The following SCAMP2 variants were observed in gnomAD, a reference collection of about 807,000 sequenced individuals.
The protein encoded by SCAMP2 is secretory carrier-associated membrane protein 2.
A neutral mutation model predicts 44.1 loss-of-function variants in SCAMP2; 25 were observed. The ratio of observed to expected loss-of-function variants is 0.57; its 90% CI spans 0.41 to 0.79. The LOEUF (loss-of-function observed/expected upper bound fraction) is 0.79. Among genes scored for constraint, SCAMP2 ranks in the 30% least tolerant of loss-of-function variants. The pLI, the probability that SCAMP2 is intolerant of heterozygous loss-of-function variation, is 0.00. For synonymous variants in SCAMP2, 156 were observed against 166.0 expected (o/e 0.94, Z 0.46); for missense variants, 355 against 411.0 (o/e 0.86, Z 1.18).
Position 74,845,468 on chromosome 15 carries a change from C to T in SCAMP2, c.855+5G>A. On this transcript the variant is annotated splice_donor_5th_base_variant and intron_variant, in intron 8 of 8. Transcript: ENST00000268099. ...TTTGCTGTCAGCCCTGCCCACACCA[C>T]TCACCCGCTGCAGGAGGAAGACTGA... 1.2e-6 allele frequency: 2 copies of T among 1,614,150 alleles called. No individual in the cohort carries two copies. Among genetic ancestry groups the T allele is most frequent in the Non-Finnish European group, 1.7e-6 (2 of 1,180,030 alleles).
intron 1 of SCAMP2, among the ~76,000 whole-genome samples, chr15:74,857,183 C>T (rs1390727800): frequency 6.6e-6 from 1 of 152,194 alleles, no homozygotes; most frequent in Non-Finnish European, 1.5e-5. Flanking sequence ...TGTGTCTGGA[C>T]GGGCCTCATA....
rs1368015213 is a variant in SCAMP2 at position 74,845,629 on chromosome 15, G to A, written c.735-36C>T. ...AAGAAGAGGCCAGAGGGAGCAAAGTGGGAGTGGGCTCCAAAAGTCAGCATA... is the reference window on the plus strand; with the variant it reads ...AAGAAGAGGCCAGAGGGAGCAAAGTAGGAGTGGGCTCCAAAAGTCAGCATA... On this transcript the variant is annotated intron_variant, in intron 7 of 8. Transcript: ENST00000268099. 2.5e-6 allele frequency: 4 copies of A among 1,611,514 alleles called. No homozygotes were observed. In the African/African-American group the frequency reaches 4.0e-5, roughly 16 times the overall value.
chr15:74,862,667 T>C (rs1410057886), intron 1 of SCAMP2, among the ~76,000 whole-genome samples: 1 of 151,116 alleles, frequency 6.6e-6, no homozygotes, highest in Non-Finnish European at 1.5e-5. Flanking sequence ...TATAATATGG[T>C]CATGTTATTT....
At chr15:74,853,946 G>C (rs1404863871) in intron 3 of SCAMP2, 75 bp downstream of exon 3, 7 of 1,338,268 alleles carry the variant, frequency 5.2e-6, no homozygotes, top group Non-Finnish European at 4.3e-6. Flanking sequence ...CTTGCCCCCA[G>C]CCTCAGGGCT....
rs1483473538 is a variant in SCAMP2, at chr15:74,844,211, G to GGA, written c.*871_*872insTC. ...CGTCCCTCGGTTCGGGGAGGGGGGG[G>GGA]GGTAGTCACAGCAAACAGGGCCAAA... On this transcript the variant is annotated 3_prime_UTR_variant, in exon 9 of 9. Coordinates refer to ENST00000268099, the MANE Select transcript of SCAMP2 (RefSeq NM_005697.5). 1 of 147,470 alleles carries GGA rather than the reference G, an allele frequency of 6.8e-6. No homozygotes were observed. 9.1% of individuals were successfully genotyped at this position (147,470 alleles called of 1,614,324 possible).
Position 74,854,630 on chromosome 15 carries a change from A to T in SCAMP2, c.77T>A (p.Leu26Gln), listed in dbSNP as rs2064456555. 1 of 1,609,418 alleles carries T rather than the reference A, an allele frequency of 6.2e-7. No individual in the cohort carries two copies. Among genetic ancestry groups the T allele is most frequent in the Non-Finnish European group, 8.5e-7 (1 of 1,178,000 alleles). The change falls in exon 2 of 9, where the codon CTG becomes CAG. Residue 26 changes from leucine (L) to glutamine (Q), a missense_variant. Leu to Gln is a moderately radical substitution (Grantham distance 113). Transcript: ENST00000268099. Reference protein sequence around the residue: ...NPFQDPSVTQLTNAPQGGLAE... With the variant: ...NPFQDPSVTQQTNAPQGGLAE... Reference sequence around the variant, plus strand: ...CAGGCCGCCCTGCGGGGCGTTGGTCAGCTGGGTCACAGAGGGATCCTGAGA... The same window carrying T: ...CAGGCCGCCCTGCGGGGCGTTGGTCTGCTGGGTCACAGAGGGATCCTGAGA...
intron 1 of SCAMP2, among the ~76,000 whole-genome samples, chr15:74,863,487 G>A (rs2064522363): frequency 1.3e-5 from 2 of 151,674 alleles, no homozygotes; most frequent in South Asian, 4.2e-4. Flanking sequence ...CCCTGGCCTG[G>A]GTGACAGAGA....
At chr15:74,855,439 G>A (rs1165119734) in intron 1 of SCAMP2, among the ~76,000 whole-genome samples, 3 of 152,136 alleles carry the variant, frequency 2.0e-5, no homozygotes, top group East Asian at 3.9e-4. Flanking sequence ...TAAGGTAGCC[G>A]GGTGCAGTAG....
chr15:74,868,686 G>A (rs570289080), intron 1 of SCAMP2, among the ~76,000 whole-genome samples: 87 of 152,262 alleles, frequency 5.7e-4, no homozygotes, highest in Non-Finnish European at 1.1e-3. Context: ...GAGCCCACAG[G>A]TGCATGCCAC....
chr15:74,871,005 T>A (rs759893490), intron 1 of SCAMP2, among the ~76,000 whole-genome samples: 1 of 152,148 alleles, frequency 6.6e-6, no homozygotes, highest in Non-Finnish European at 1.5e-5. Flanking sequence ...ATATCAGGGC[T>A]CATAATTCAC....
At chr15:74,849,991 G>A (rs2064425004) in intron 6 of SCAMP2, among the ~76,000 whole-genome samples, 1 of 152,046 alleles carries the variant, frequency 6.6e-6, no homozygotes, top group South Asian at 2.1e-4. Context: ...GGCCTGCTGG[G>A]CTCCCAGCCC....
chr15:74,848,654 CAA>C lies in SCAMP2; in HGVS notation c.678_679del (p.Phe226LeufsTer30). 6.2e-7 allele frequency: 1 copy of C among 1,613,602 alleles called. No homozygotes were observed. The highest frequency in any genetic ancestry group is 1.3e-5 in the African/African-American group (1 of 74,984). On this transcript the variant is annotated frameshift_variant, in exon 7 of 9. Coordinates refer to ENST00000268099, the MANE Select transcript of SCAMP2 (RefSeq NM_005697.5). LOFTEE classifies it high-confidence loss of function. The stretch of plus-strand genomic sequence containing the variant: ...CTGGATGATGTAGATCCCTATTTGA[CAA>C]AAAAATACAAAGAAGAACACAAAGA...
chr15:74,870,353 G>A (rs1377554070), intron 1 of SCAMP2, among the ~76,000 whole-genome samples: 1 of 152,164 alleles, frequency 6.6e-6, no homozygotes, highest in Non-Finnish European at 1.5e-5. Flanking sequence ...AAAGCTCTCT[G>A]CATTTTTAGA....
chr15:74,873,122 G>T, intron 1 of SCAMP2, 77 bp downstream of exon 1: 1 of 1,264,216 alleles, frequency 7.9e-7, no homozygotes, highest in Non-Finnish European at 1.0e-6. Context: ...ACGTCTCCCG[G>T]CTCTAGCGAG....
chr15:74,862,120 A>T (rs1194035540), intron 1 of SCAMP2, among the ~76,000 whole-genome samples: 1 of 139,836 alleles, frequency 7.2e-6, no homozygotes, highest in Non-Finnish European at 1.6e-5. Context: ...AAAGTTAGCC[A>T]GGCGTGGTGG....
chr15:74,873,210 T>A lies in SCAMP2; in HGVS notation c.46A>T (p.Asn16Tyr). 6.9e-7 allele frequency: 1 copy of A among 1,454,986 alleles called. No homozygotes were observed. The highest frequency in any genetic ancestry group is 9.0e-7 in the Non-Finnish European group (1 of 1,111,266). 90.1% of individuals were successfully genotyped at this position (1,454,986 alleles called of 1,614,324 possible). The change falls in exon 1 of 9, where the codon AAC (asparagine) becomes TAC (tyrosine). Residue 16 changes from asparagine to tyrosine, a missense_variant. Coordinates refer to ENST00000268099, the MANE Select transcript of SCAMP2 (RefSeq NM_005697.5). ...TNPFADPVDV[N>Y]PFQDPSVTQL... ...GAGAGGGGCTCTACCTGGAAGGGGT[T>A]TACATCCACTGGGTCCGCGAAGGGG... is the stretch of plus-strand genomic sequence containing the variant.
intron 1 of SCAMP2, among the ~76,000 whole-genome samples, chr15:74,862,530 C>T (rs2064513939): frequency 6.6e-6 from 1 of 151,302 alleles, no homozygotes; most frequent in South Asian, 2.1e-4. Flanking sequence ...GAGCCGAGAT[C>T]ACACCACTGC....
intron 1 of SCAMP2, among the ~76,000 whole-genome samples, chr15:74,869,917 CA>C (rs2064564179): frequency 6.6e-6 from 1 of 152,198 alleles, no homozygotes; most frequent in Non-Finnish European, 1.5e-5. Context: ...CCAAGGGCTA[CA>C]CCTCCCAACG....
intron 1 of SCAMP2, among the ~76,000 whole-genome samples, chr15:74,856,033 C>G (rs2064466708): frequency 6.6e-6 from 1 of 152,032 alleles, no homozygotes; most frequent in South Asian, 2.1e-4. Context: ...AGAAGAGCTC[C>G]TCCACACCCT....
Sources: allele counts gnomAD v4.1 joint callset (sites outside exome capture counted in the v4.1 genomes callset), GRCh38; gene constraint gnomAD v4.1.1; transcripts MANE v1.5; gene names NCBI Gene and HGNC (gene_info 2026-07-23, HGNC 2026-07-21).